SATB1: variants seen among roughly 807,000 people sequenced by gnomAD.
SATB1 encodes the protein DNA-binding protein SATB1.
SATB1 carries 11 observed loss-of-function variants against 86.9 expected under a neutral mutation model. That is an observed-to-expected ratio of 0.13 (90% CI 0.08 to 0.21). The LOEUF is 0.21. Ranked by LOEUF, SATB1 falls within the 10% of genes least tolerant of loss-of-function variation. The probability of loss-of-function intolerance (pLI) is 1.00; values close to 1 mark genes in which losing one functional copy is unlikely to be tolerated. For synonymous variants in SATB1, 357 were observed against 357.2 expected, an observed-to-expected ratio of 1.00 and a Z score of 0.01; for missense variants, 551 against 937.6, an observed-to-expected ratio of 0.59 and a Z score of 5.39.
At chr3:18,405,418 A>C (rs1472128210) in intron 5 of SATB1, among the ~76,000 whole-genome samples, 2 of 151,976 alleles carry the variant, frequency 1.3e-5, no homozygotes, top group Admixed American at 1.3e-4. Flanking sequence ...AAAAAAACAA[A>C]ACAAAACCAA....
chr3:18,368,903 T>C lies in SATB1; in HGVS notation c.1575+9267A>G, dbSNP rs373368128. 2.6e-5 allele frequency among the ~76,000 whole-genome samples: 4 copies of C among 152,174 alleles called. No individual in the cohort carries two copies. The South Asian group carries it at 8.3e-4, about 32-fold the overall frequency. On this transcript the variant is annotated intron_variant, in intron 9 of 10. Coordinates refer to ENST00000338745, the MANE Select transcript of SATB1 (RefSeq NM_002971.6). ...TTCCACCAGCTTATCTGCCTTCTTA[T>C]GGATCCAATTATTTATAGGGGGATT...
rs1310788796 is a variant in SATB1, at chr3:18,425,324, G to C, written c.-1722C>G. Reference sequence around the variant, plus strand: ...CTCATCCGCCGCGTCCGGGGAACGGGAGCGAGCGAGAAAGTGGCGGCGGCG... The same window carrying C: ...CTCATCCGCCGCGTCCGGGGAACGGCAGCGAGCGAGAAAGTGGCGGCGGCG... On this transcript the variant is annotated 5_prime_UTR_variant, in exon 1 of 11. Coordinates refer to ENST00000338745, the MANE Select transcript of SATB1 (RefSeq NM_002971.6). 1.3e-5 allele frequency: 2 copies of C among 157,904 alleles called. No individual in the cohort carries two copies. Among genetic ancestry groups the C allele is most frequent in the African/African-American group, 4.8e-5 (2 of 41,454 alleles). The allele number at this position is 157,904 out of a possible 1,614,324, so 9.8% of individuals were successfully genotyped here. A position where few individuals can be genotyped will look rare whatever the true frequency, so the allele number is the denominator to read the frequency against.
chr3:18,385,626 A>AT (rs1455894983), intron 8 of SATB1, among the ~76,000 whole-genome samples: 146 of 52,730 alleles, frequency 2.8e-3, no homozygotes, highest in Middle Eastern at 6.0e-3. Flanking sequence ...CCATCTCAAA[A>AT]GAAAAAAAAA....
At chr3:18,358,293 CATATTAACCTTTAAATGTT>C (rs1694751805) in intron 9 of SATB1, among the ~76,000 whole-genome samples, 1 of 151,968 alleles carries the variant, frequency 6.6e-6, no homozygotes, top group African/African-American at 2.4e-5. Context: ...CTTTACCTAA[CATATTAACCTTTAAATGTT>C]ATGAAGTTCT....
chr3:18,416,201 G>A, intron 3 of SATB1, 68 bp from the exon 4 acceptor site: 1 of 1,319,616 alleles, frequency 7.6e-7, no homozygotes, highest in Middle Eastern at 2.0e-4. Context: ...CTAGAAGGGT[G>A]TTCTTTTCTT....
chr3:18,405,856 C>T (rs1246297619), intron 5 of SATB1, among the ~76,000 whole-genome samples: 7 of 151,944 alleles, frequency 4.6e-5, no homozygotes, highest in Non-Finnish European at 1.0e-4. Flanking sequence ...GATAAGACTT[C>T]CCATGTCTAC....
intron 9 of SATB1, among the ~76,000 whole-genome samples, chr3:18,374,468 T>C (rs9829223): frequency 0.6 from 91,356 of 152,134 alleles, 28,061 homozygotes; most frequent in East Asian, 0.93. Flanking sequence ...CTGCTGCTTA[T>C]TTGAATACCC....
intron 6 of SATB1, 139 bp from the exon 7 acceptor site, chr3:18,395,055 G>C (rs1696895803): frequency 1.5e-6 from 1 of 658,026 alleles, no homozygotes; most frequent in Non-Finnish European, 2.5e-6. Context: ...ATTTCAAGTT[G>C]CAACTTACCA....
At chr3:18,436,506 C>CAAA (rs71055011) in intron 2 of SATB1, among the ~76,000 whole-genome samples, 1 of 113,852 alleles carries the variant, frequency 8.8e-6, no homozygotes, top group Non-Finnish European at 1.9e-5. Context: ...CAGGTGCTAC[C>CAAA]AAAAAAAAAA....
At chr3:18,373,842 A>AT (rs982789500) in intron 9 of SATB1, among the ~76,000 whole-genome samples, 4 of 152,038 alleles carry the variant, frequency 2.6e-5, no homozygotes, top group South Asian at 2.1e-4. Flanking sequence ...CTTTATTTAT[A>AT]TTTTTTTGTA....
intron 2 of SATB1, among the ~76,000 whole-genome samples, chr3:18,433,697 T>C (rs1162195557): frequency 2.0e-5 from 3 of 152,106 alleles, no homozygotes; most frequent in Admixed American, 1.3e-4. Flanking sequence ...ATATTTATTA[T>C]GTGTAAAAGC....
At chr3:18,378,442 A>G (rs918079138) in intron 8 of SATB1, 117 bp from the exon 9 acceptor site, 15 of 966,564 alleles carry the variant, frequency 1.6e-5, no homozygotes, top group Non-Finnish European at 2.2e-5. Context: ...GGTGATCAAC[A>G]GTGCAGTCAT....
rs912145441 is a variant in SATB1 at position 18,346,658 on chromosome 3, A to T, written c.*2512T>A. On this transcript the variant is annotated 3_prime_UTR_variant, in exon 11 of 11. Transcript: ENST00000338745. ...TTATCAAAACCACGCTGACTTTTAA[A>T]AGTTAAAAAATCTAAGTGGGAATTT... The T allele has an allele frequency of 1.3e-5, 2 of 152,024 alleles. No individual in the cohort carries two copies. The highest frequency in any genetic ancestry group is 1.3e-4 in the Admixed American group (2 of 15,256). The allele number at this position is 152,024 out of a possible 1,614,324, so 9.4% of individuals were successfully genotyped here.
At chr3:18,357,249 G>A (rs1450789994) in intron 9 of SATB1, among the ~76,000 whole-genome samples, 6 of 151,664 alleles carry the variant, frequency 4.0e-5, no homozygotes, top group Non-Finnish European at 1.5e-5. Context: ...ATCTAAATAG[G>A]AAAGTATTTG....
rs1694131685 is a variant in SATB1, at chr3:18,347,742, GTTA to G, written c.*1425_*1427del. On this transcript the variant is annotated 3_prime_UTR_variant, in exon 11 of 11. Transcript: ENST00000338745. ...ATTAAGCAAAATGTTAACCAAACAGGTTATTTTCATTGTGAAATTTCATACCTA... is the reference window on the plus strand; with the variant it reads ...ATTAAGCAAAATGTTAACCAAACAGGTTTTCATTGTGAAATTTCATACCTA... 2 of 152,224 alleles carry G rather than the reference GTTA, an allele frequency of 1.3e-5. No homozygotes were observed. Among genetic ancestry groups the G allele is most frequent in the South Asian group, 4.1e-4 (2 of 4,826 alleles). The allele number at this position is 152,224 out of a possible 1,614,324, so 9.4% of individuals were successfully genotyped here.
chr3:18,390,171 C>A (rs973560409), intron 7 of SATB1, among the ~76,000 whole-genome samples: 2 of 152,100 alleles, frequency 1.3e-5, no homozygotes, highest in Non-Finnish European at 2.9e-5. Context: ...GCGAAAGAGA[C>A]TGCCAATCTG....
At chr3:18,429,502 C>G (rs918179545), upstream of SATB1, among the ~76,000 whole-genome samples, 4 of 152,212 alleles carry the variant, frequency 2.6e-5, no homozygotes, top group Admixed American at 6.5e-5. The surrounding 1 kb of genome is among the most constrained non-coding windows in gnomAD (Gnocchi z 4.1). Flanking sequence ...AGAGCTTAAT[C>G]AGATTAAGAT....
chr3:18,392,620 T>C (rs1321714765), intron 7 of SATB1, among the ~76,000 whole-genome samples: 1 of 151,774 alleles, frequency 6.6e-6, no homozygotes, highest in African/African-American at 2.4e-5. Context: ...TATATATAAT[T>C]TGTGTCTATG....
chr3:18,382,957 G>A (rs1385179351), intron 8 of SATB1, among the ~76,000 whole-genome samples: 1 of 152,180 alleles, frequency 6.6e-6, no homozygotes, highest in Non-Finnish European at 1.5e-5. Flanking sequence ...TTTTCTTCTA[G>A]GGAAAGGTTG....
Sources: gnomAD v4.1 joint callset for allele counts (sites outside exome capture counted in the v4.1 genomes callset) on GRCh38, gnomAD v4.1.1 for gene constraint, Gnocchi (gnomAD v3.1) non-coding constraint, MANE v1.5 for transcripts, NCBI Gene and HGNC (gene_info 2026-07-23, HGNC 2026-07-21) for gene names.